SRPK2: variants seen among roughly 807,000 people sequenced by gnomAD.
SRPK2 encodes SFRS protein kinase 2.
A neutral mutation model predicts 90.8 loss-of-function variants in SRPK2; 21 were observed. That is an observed-to-expected ratio of 0.23 (90% CI 0.16 to 0.33). The LOEUF is 0.33. Ranked by LOEUF, SRPK2 falls within the 10% of genes least tolerant of loss-of-function variation. The pLI is 1.00. For synonymous variants in SRPK2, 288 were observed against 311.1 expected, an observed-to-expected ratio of 0.93 and a Z score of 0.78; for missense variants, 620 against 869.0, an observed-to-expected ratio of 0.71 and a Z score of 3.60.
chr7:105,341,508 A>T (rs912310868), intron 2 of SRPK2, among the ~76,000 whole-genome samples: 1 of 152,158 alleles, frequency 6.6e-6, no homozygotes, highest in Non-Finnish European at 1.5e-5. Context: ...CCCCATCTCT[A>T]CTAAAAATAC....
chr7:105,257,851 C>A (rs1803548595), intron 2 of SRPK2, among the ~76,000 whole-genome samples: 1 of 152,114 alleles, frequency 6.6e-6, no homozygotes, highest in Admixed American at 6.6e-5. Context: ...GTGGCTCACA[C>A]CTGTAAACCC....
At chr7:105,190,279 G>C (rs1362725561) in intron 3 of SRPK2, among the ~76,000 whole-genome samples, 5 of 152,158 alleles carry the variant, frequency 3.3e-5, no homozygotes, top group African/African-American at 1.2e-4. Context: ...TATAAACTTT[G>C]GGTTACACAA....
chr7:105,241,098 A>T (rs1358887584), intron 2 of SRPK2, among the ~76,000 whole-genome samples: 1 of 152,294 alleles, frequency 6.6e-6, no homozygotes, highest in African/African-American at 2.4e-5. Flanking sequence ...GCATGGTAAG[A>T]AAAGGATGTA....
chr7:105,142,496 G>T lies in SRPK2; in HGVS notation c.1061-6C>A. ...TTCCTGGTCCTCAGCTTCACCTTAA[G>T]AATTTGATGGGTCAAGAATTAGAAC... is the stretch of plus-strand genomic sequence containing the variant. On this transcript the variant is annotated splice_polypyrimidine_tract_variant and splice_region_variant and intron_variant, in intron 10 of 15. Transcript: ENST00000393651. 1 of 1,597,798 alleles carries T rather than the reference G, an allele frequency of 6.3e-7. No homozygotes were observed. Among genetic ancestry groups the T allele is most frequent in the South Asian group, 1.1e-5 (1 of 88,016 alleles).
chr7:105,234,546 T>C (rs1799898497), intron 2 of SRPK2, among the ~76,000 whole-genome samples: 1 of 152,156 alleles, frequency 6.6e-6, no homozygotes, highest in African/African-American at 2.4e-5. Flanking sequence ...AACTAATTAT[T>C]ATCAACGTCC....
At chr7:105,383,741 C>A (rs1821224648) in intron 2 of SRPK2, among the ~76,000 whole-genome samples, 1 of 152,058 alleles carries the variant, frequency 6.6e-6, no homozygotes, top group Admixed American at 6.6e-5. Flanking sequence ...TTTTAAGGAA[C>A]AATGGATAAA....
chr7:105,222,207 A>G (rs1318501000), intron 2 of SRPK2, among the ~76,000 whole-genome samples: 1 of 152,238 alleles, frequency 6.6e-6, no homozygotes, highest in Non-Finnish European at 1.5e-5. Context: ...ACACATTTTA[A>G]AACCAAACAT....
At chr7:105,268,928 T>A (rs998172036) in intron 2 of SRPK2, 2 of 1,531,212 alleles carry the variant, frequency 1.3e-6, no homozygotes, top group Non-Finnish European at 1.8e-6. Context: ...TCAAGCCTTA[T>A]ATCAAGAGAT....
At chr7:105,139,686 A>G (rs1341291248) in intron 11 of SRPK2, among the ~76,000 whole-genome samples, 1 of 152,238 alleles carries the variant, frequency 6.6e-6, no homozygotes, top group Non-Finnish European at 1.5e-5. Context: ...AAGGCAACTT[A>G]CATTCAATGG....
intron 2 of SRPK2, among the ~76,000 whole-genome samples, chr7:105,235,608 T>C (rs1800029663): frequency 1.3e-5 from 2 of 152,182 alleles, no homozygotes; most frequent in African/African-American, 4.8e-5. Context: ...AACAAATATA[T>C]CCTCTCTATA....
At chr7:105,290,810 G>A (rs1013913429) in intron 2 of SRPK2, among the ~76,000 whole-genome samples, 7 of 149,824 alleles carry the variant, frequency 4.7e-5, no homozygotes, top group East Asian at 2.0e-4. Context: ...AGGCCGAGGC[G>A]GGTGGATCAT....
chr7:105,311,254 G>C (rs1354935249), intron 2 of SRPK2, among the ~76,000 whole-genome samples: 1 of 150,688 alleles, frequency 6.6e-6, no homozygotes, highest in Non-Finnish European at 1.5e-5. Flanking sequence ...TTTTTTTTGA[G>C]ACGGAGTTTC....
chr7:105,382,580 G>C (rs887916621), intron 2 of SRPK2, among the ~76,000 whole-genome samples: 6 of 124,986 alleles, frequency 4.8e-5, no homozygotes, highest in African/African-American at 1.6e-4. Context: ...AAAAAAAAAG[G>C]AATGCTCTGC....
At chr7:105,151,309 G>A (rs1314292110) in intron 7 of SRPK2, among the ~76,000 whole-genome samples, 1 of 152,160 alleles carries the variant, frequency 6.6e-6, no homozygotes, top group Non-Finnish European at 1.5e-5. Context: ...TTTACTCATT[G>A]TGTTACCCCT....
Position 105,355,204 on chromosome 7 carries a change from CAG to C in SRPK2, c.71+33442_71+33443del, listed in dbSNP as rs139434281. The stretch of plus-strand genomic sequence containing the variant: ...ATGTTGCTCTTTCAGTTTTAAGTAA[CAG>C]AAAATACAGCAGGGCACAGTGGCTA... On this transcript the variant is annotated intron_variant, in intron 2 of 15. Coordinates refer to ENST00000393651, the MANE Select transcript of SRPK2 (RefSeq NM_182692.3). 1.6e-3 allele frequency among the ~76,000 whole-genome samples: 239 copies of C among 152,114 alleles called. 2 individuals are homozygous for C. Among genetic ancestry groups the C allele is most frequent in the Non-Finnish European group, 1.7e-3 (114 of 68,006 alleles).
intron 7 of SRPK2, among the ~76,000 whole-genome samples, chr7:105,147,013 C>A (rs62488061): frequency 0.012 from 1,844 of 152,310 alleles, 10 homozygotes; most frequent in Non-Finnish European, 0.017. Context: ...GCCTACTCAA[C>A]GCGAAGATAA....
At chr7:105,222,565 T>C (rs1798228636) in intron 2 of SRPK2, among the ~76,000 whole-genome samples, 1 of 152,240 alleles carries the variant, frequency 6.6e-6, no homozygotes, top group Admixed American at 6.5e-5. Context: ...TATTTTTGCC[T>C]ACTTTAGTAT....
chr7:105,199,567 G>T lies in SRPK2; in HGVS notation c.229+4061C>A, dbSNP rs1196929878. On this transcript the variant is annotated intron_variant, in intron 3 of 15. Coordinates refer to ENST00000393651, the MANE Select transcript of SRPK2 (RefSeq NM_182692.3). ...AAGGGAAGGGAGAGACATAGTGATG[G>T]TGACTGGTGATTCATACCATACAGG... is the stretch of plus-strand genomic sequence containing the variant. 3.9e-5 allele frequency among the ~76,000 whole-genome samples: 6 copies of T among 152,284 alleles called. No individual in the cohort carries two copies. The East Asian group carries it at 1.2e-3, about 29-fold the overall frequency.
chr7:105,357,049 T>G (rs919967615), intron 2 of SRPK2, among the ~76,000 whole-genome samples: 1 of 152,034 alleles, frequency 6.6e-6, no homozygotes, highest in African/African-American at 2.4e-5. Flanking sequence ...TTTTTTTTTT[T>G]TTTTGAGACG....
Sources: gnomAD v4.1 joint callset for allele counts (sites outside exome capture counted in the v4.1 genomes callset) on GRCh38, gnomAD v4.1.1 for gene constraint, MANE v1.5 for transcripts, NCBI Gene and HGNC (gene_info 2026-07-23, HGNC 2026-07-21) for gene names.